The following PPP2R5A variants were observed in gnomAD, a reference collection of about 807,000 sequenced individuals.
PPP2R5A encodes protein phosphatase 2 regulatory subunit B'alpha, also known as serine/threonine-protein phosphatase 2A 56 kDa regulatory subunit alpha isoform.
PPP2R5A carries 25 observed loss-of-function variants against 64.2 expected under a neutral mutation model. That is an observed-to-expected ratio of 0.39 (90% CI 0.28 to 0.54). The LOEUF is 0.54. Among genes scored for constraint, PPP2R5A ranks in the 20% least tolerant of loss-of-function variants. The pLI is 0.67. For synonymous variants in PPP2R5A, 198 were observed against 201.2 expected (o/e 0.98, Z 0.13); for missense variants, 425 against 576.3 (o/e 0.74, Z 2.69).
chr1:212,322,272 G>GAGGGAA (rs1188847580), intron 1 of PPP2R5A, among the ~76,000 whole-genome samples: 2 of 140,912 alleles, frequency 1.4e-5, no homozygotes, highest in African/African-American at 5.3e-5. Flanking sequence ...AGAGGAGGGA[G>GAGGGAA]AGGGAGAGGA....
intron 1 of PPP2R5A, among the ~76,000 whole-genome samples, chr1:212,307,872 T>G (rs1658950896): frequency 6.6e-6 from 1 of 152,170 alleles, no homozygotes; most frequent in African/African-American, 2.4e-5. Flanking sequence ...CGAGATACGG[T>G]CTCGCTCTAG....
At position 212,302,642 on chromosome 1, in the gene PPP2R5A, C is replaced by T. The variant is rs1658817906; in HGVS notation, c.181+16351C>T. Among the ~76,000 whole-genome samples the T allele has an allele frequency of 2.0e-5, 3 of 152,160 alleles. No individual in the cohort carries two copies. In the South Asian group the frequency reaches 6.2e-4, roughly 31 times the overall value. ...AATTCCCCATTTAAAGTATACAATT[C>T]CATGGCTTTTAGTATATTCACAGAC... On this transcript the variant is annotated intron_variant, in intron 1 of 12. Transcript: ENST00000261461.
intron 1 of PPP2R5A, among the ~76,000 whole-genome samples, chr1:212,289,625 T>C (rs1463596524): frequency 2.6e-5 from 4 of 152,150 alleles, no homozygotes; most frequent in Non-Finnish European, 4.4e-5. Context: ...TCGTTTTCCT[T>C]ATCTGTAAAA....
intron 1 of PPP2R5A, among the ~76,000 whole-genome samples, chr1:212,313,451 G>A (rs891973295): frequency 3.3e-5 from 5 of 151,408 alleles, no homozygotes; most frequent in Non-Finnish European, 7.4e-5. Flanking sequence ...TATACTTATC[G>A]GTCATTTATG....
At chr1:212,328,314 C>T (rs1419232238) in intron 1 of PPP2R5A, among the ~76,000 whole-genome samples, 1 of 151,300 alleles carries the variant, frequency 6.6e-6, no homozygotes, top group Admixed American at 6.6e-5. Flanking sequence ...GAGTTTGTCT[C>T]AAAAAAATAA....
intron 1 of PPP2R5A, among the ~76,000 whole-genome samples, chr1:212,292,716 C>T (rs1457339205): frequency 6.6e-6 from 1 of 152,130 alleles, no homozygotes; most frequent in Non-Finnish European, 1.5e-5. Context: ...TGTGCTGCCA[C>T]ACCCAGCTAA....
chr1:212,302,228 T>G, intron 1 of PPP2R5A: 1 of 801,394 alleles, frequency 1.2e-6, no homozygotes, highest in Non-Finnish European at 1.9e-6. Context: ...AAACTACAAA[T>G]TATCTTACTG....
intron 1 of PPP2R5A, chr1:212,319,622 T>TTG (rs1553274865): frequency 1.4e-5 from 2 of 139,364 alleles, no homozygotes; most frequent in Non-Finnish European, 3.1e-5. Context: ...TCTTTTCTTT[T>TTG]TTTTTTTTTT....
At chr1:212,320,519 C>T (rs1027431659) in intron 1 of PPP2R5A, among the ~76,000 whole-genome samples, 4 of 151,950 alleles carry the variant, frequency 2.6e-5, no homozygotes, top group South Asian at 2.1e-4. Context: ...CCAGTAGGGG[C>T]GGCCGGGCAG....
chr1:212,354,997 T>C (rs930872792), intron 8 of PPP2R5A, among the ~76,000 whole-genome samples: 1 of 152,188 alleles, frequency 6.6e-6, no homozygotes, highest in African/African-American at 2.4e-5. Context: ...AATGATGAAG[T>C]TGCCTAATGA....
intron 12 of PPP2R5A, among the ~76,000 whole-genome samples, chr1:212,359,298 A>T (rs959074769): frequency 6.6e-6 from 1 of 152,226 alleles, no homozygotes; most frequent in Admixed American, 6.5e-5. Context: ...GCTGTGGATT[A>T]TCAGAAGGTG....
At chr1:212,339,681 A>G (rs1659654131) in intron 3 of PPP2R5A, among the ~76,000 whole-genome samples, 2 of 152,174 alleles carry the variant, frequency 1.3e-5, no homozygotes, top group South Asian at 2.1e-4. Context: ...TCAATTATAT[A>G]TATGGTTTAG....
rs1045407946 is a variant in PPP2R5A at position 212,291,339 on chromosome 1, C to T, written c.181+5048C>T. On this transcript the variant is annotated intron_variant, in intron 1 of 12. Transcript: ENST00000261461. ...CCAGGTGTTCTGCCTGCCTTGGCCT[C>T]CCAAAGTTATGGGATTACAGGCGTG... Among the ~76,000 whole-genome samples, 9 of 152,094 alleles carry T rather than the reference C, an allele frequency of 5.9e-5. No homozygotes were observed. In the South Asian group the frequency reaches 1.2e-3, roughly 21 times the overall value.
rs757121876 is a variant in PPP2R5A at position 212,360,782 on chromosome 1, C to T, written c.*12C>T. 1 of 1,509,368 alleles carries T rather than the reference C, an allele frequency of 6.6e-7. No homozygotes were observed. Among genetic ancestry groups the T allele is most frequent in the South Asian group, 1.4e-5 (1 of 73,274 alleles). The allele number at this position is 1,509,368 out of a possible 1,614,324, so 93.5% of individuals were successfully genotyped here. On this transcript the variant is annotated 3_prime_UTR_variant, in exon 13 of 13. Coordinates refer to ENST00000261461, the MANE Select transcript of PPP2R5A (RefSeq NM_006243.4). Reference sequence around the variant, plus strand: ...CAAGTGCCGAATAAAAAAAAAGCCTCCCACCTCTGCCGGATAGGCAGAGTT... The same window carrying T: ...CAAGTGCCGAATAAAAAAAAAGCCTTCCACCTCTGCCGGATAGGCAGAGTT...
chr1:212,292,727 GT>G (rs1256399934), intron 1 of PPP2R5A, among the ~76,000 whole-genome samples: 1 of 152,120 alleles, frequency 6.6e-6, no homozygotes, highest in Non-Finnish European at 1.5e-5. Flanking sequence ...ACCCAGCTAA[GT>G]TTTTTATTTT....
At position 212,297,096 on chromosome 1, in the gene PPP2R5A, C is replaced by T. The variant is rs1411690523; in HGVS notation, c.181+10805C>T. Among the ~76,000 whole-genome samples, 53 of 82,660 alleles carry T rather than the reference C, an allele frequency of 6.4e-4. 10 individuals are homozygous for T. The highest frequency in any genetic ancestry group is 2.0e-3 in the African/African-American group (48 of 24,144). The allele number at this position is 82,660 out of a possible 152,430, so 54.2% of individuals were successfully genotyped here. On this transcript the variant is annotated intron_variant, in intron 1 of 12. Transcript: ENST00000261461. Reference sequence around the variant, plus strand: ...TTTCTTTTCTTTTTCTTTGCTTCTTCTTTTTTTTTTTTTTTTTTTTTTTTT... The same window carrying T: ...TTTCTTTTCTTTTTCTTTGCTTCTTTTTTTTTTTTTTTTTTTTTTTTTTTT...
Position 212,345,895 on chromosome 1 carries a change from A to G in PPP2R5A, c.666A>G (p.Arg222=). The G allele has an allele frequency of 6.2e-7, 1 of 1,609,202 alleles. No individual in the cohort carries two copies. Among genetic ancestry groups the G allele is most frequent in the Non-Finnish European group, 8.5e-7 (1 of 1,177,012 alleles). ...TTTATGGGAAATTTCTTGGATTAAG[A>G]GCATTCATCAGAAAACAAATTAACA... ...HRIYGKFLGL[R]AFIRKQINNI... is the part of the protein sequence containing the mutation. The change falls in exon 5 of 13, where the codon AGA becomes AGG. Residue 222 remains arginine, a synonymous_variant. Transcript: ENST00000261461.
chr1:212,331,334 C>CT (rs1659501324), intron 2 of PPP2R5A: 1 of 140,864 alleles, frequency 7.1e-6, no homozygotes, highest in Non-Finnish European at 1.5e-5. Flanking sequence ...TTAATTTTTT[C>CT]ATTTTTTTTT....
intron 11 of PPP2R5A, 115 bp downstream of exon 11, chr1:212,357,399 G>T (rs952608902): frequency 6.4e-6 from 6 of 938,848 alleles, no homozygotes; most frequent in African/African-American, 1.7e-5. Context: ...TTACTCCAAG[G>T]TTAACATCAG....
Sources: allele counts gnomAD v4.1 joint callset (sites outside exome capture counted in the v4.1 genomes callset), GRCh38; gene constraint gnomAD v4.1.1; transcripts MANE v1.5; gene names NCBI Gene and HGNC (gene_info 2026-07-23, HGNC 2026-07-21).